AGBL5: variants seen among roughly 807,000 people sequenced by gnomAD.
AGBL5 encodes the protein AGBL carboxypeptidase 5, also known as cytosolic carboxypeptidase-like protein 5.
AGBL5 carries 51 observed loss-of-function variants against 88.0 expected under a neutral mutation model. The observed-to-expected ratio is 0.58, with a 90% confidence interval of 0.46 to 0.73. The LOEUF (loss-of-function observed/expected upper bound fraction) is 0.73. Ranked by LOEUF, AGBL5 falls within the 30% of genes least tolerant of loss-of-function variation. The pLI, the probability that AGBL5 is intolerant of heterozygous loss-of-function variation, is 0.00. For synonymous variants in AGBL5, 446 were observed against 438.8 expected (o/e 1.02, Z -0.21); for missense variants, 1,031 against 1,162.2 (o/e 0.89, Z 1.64).
At position 27,070,115 on chromosome 2, in the gene AGBL5, G is replaced by A. The variant is rs372775026; in HGVS notation, c.2513G>A (p.Arg838Gln). 2.3e-5 allele frequency: 37 copies of A among 1,613,418 alleles called. No individual in the cohort carries two copies. Among genetic ancestry groups the A allele is most frequent in the East Asian group, 1.1e-4 (5 of 44,886 alleles). The change falls in exon 15 of 15, where the codon CGG becomes CAG. Residue 838 changes from arginine (R) to glutamine (Q), a missense_variant. Physicochemically the swap from Arg to Gln is conservative, Grantham distance 43 (BLOSUM62 1). This residue lies in a region of AGBL5 where 491 missense variants were observed against 484.0 expected (regional missense o/e 1.01). Coordinates refer to ENST00000360131, the MANE Select transcript of AGBL5 (RefSeq NM_021831.6). ...TPGLPQARPP[R>Q]PRSAPAFSPI... is the part of the protein sequence containing the mutation. ...AGGCTGCCTCAGGCCAGGCCCCCACGGCCCCGCTCTGCCCCTGCCTTTTCT... is the reference window on the plus strand; with the variant it reads ...AGGCTGCCTCAGGCCAGGCCCCCACAGCCCCGCTCTGCCCCTGCCTTTTCT...
chr2:27,065,051 A>G (rs1668921031), intron 11 of AGBL5, among the ~76,000 whole-genome samples: 1 of 151,774 alleles, frequency 6.6e-6, no homozygotes, highest in African/African-American at 2.4e-5. Flanking sequence ...ACCGTGCCTG[A>G]CCTGGTTTGG....
At chr2:27,051,340 C>A (rs1251948753), upstream of AGBL5, 1 of 152,238 alleles carries the variant, frequency 6.6e-6, no homozygotes, top group African/African-American at 2.4e-5. Flanking sequence ...GGATTCCCGG[C>A]GCAGTGGGCT....
At position 27,058,552 on chromosome 2, in the gene AGBL5, T is replaced by C. The variant is rs1407631638; in HGVS notation, c.1824T>C (p.Asn608=). 6.2e-7 allele frequency: 1 copy of C among 1,614,054 alleles called. No homozygotes were observed. The highest frequency in any genetic ancestry group is 1.3e-5 in the African/African-American group (1 of 74,928). The change falls in exon 10 of 15, where the codon AAT becomes AAC. Residue 608 remains asparagine, a synonymous_variant. Transcript: ENST00000360131. ...GCCGAGGCCTAAGCAGCACTCTGAA[T>C]GTGGGTGTCAACAAGAAGAGGGGCC... ...RNSRGLSSTL[N]VGVNKKRGLR... is the part of the protein sequence containing the mutation.
chr2:27,055,494 C>T (rs1246312043), intron 6 of AGBL5, 188 bp from the exon 7 acceptor site: 2 of 803,706 alleles, frequency 2.5e-6, no homozygotes, highest in African/African-American at 3.5e-5. Context: ...GAGGAAGCTC[C>T]TTAGGGTTCT....
At chr2:27,068,856 G>GGCCAA in intron 13 of AGBL5, 112 bp downstream of exon 13, 1 of 1,520,252 alleles carries the variant, frequency 6.6e-7, no homozygotes, top group South Asian at 1.2e-5. Context: ...ATCTACCCTT[G>GGCCAA]GCCACATCAG....
chr2:27,060,890 C>T (rs1264147866), intron 11 of AGBL5: 1 of 152,192 alleles, frequency 6.6e-6, no homozygotes, highest in Non-Finnish European at 1.5e-5. Context: ...TCATTTAATC[C>T]TCACAAAGAC....
At chr2:27,059,543 C>A (rs528257590) in intron 11 of AGBL5, 139 bp downstream of exon 11, 20 of 1,520,290 alleles carry the variant, frequency 1.3e-5, no homozygotes, top group Non-Finnish European at 1.7e-5. Flanking sequence ...GAACCTGTGG[C>A]CTCTCCTACG....
At chr2:27,068,866 G>C (rs2148306704) in intron 13 of AGBL5, 122 bp downstream of exon 13, 1 of 1,510,072 alleles carries the variant, frequency 6.6e-7, no homozygotes, top group African/African-American at 1.4e-5. Context: ...GGCCACATCA[G>C]AGAGCTTCTC....
In AGBL5 at chr2:27,070,510, G is replaced by T. The variant is rs928957075; in HGVS notation, c.*247G>T. On this transcript the variant is annotated 3_prime_UTR_variant, in exon 15 of 15. Coordinates refer to ENST00000360131, the MANE Select transcript of AGBL5 (RefSeq NM_021831.6). The stretch of plus-strand genomic sequence containing the variant: ...AAAAAAAGTCTATATTTTTATATTG[G>T]GGGGAGGGAGTAGAAAAGCAAGCCC... The T allele has an allele frequency of 4.1e-6, 2 of 483,876 alleles. No individual in the cohort carries two copies. Among genetic ancestry groups the T allele is most frequent in the Admixed American group, 3.4e-5 (1 of 29,792 alleles). 30.0% of individuals were successfully genotyped at this position (483,876 alleles called of 1,614,324 possible).
chr2:27,057,536 T>C lies in AGBL5; in HGVS notation c.1671+98T>C, dbSNP rs111982500. ...GACTCTAAGGTCCTTTGAAGAGATA[T>C]TCATCACTATGGCCGTCTCACCACT... On this transcript the variant is annotated intron_variant, in intron 9 of 14. Transcript: ENST00000360131. The C allele has an allele frequency of 3.0e-5, 41 of 1,357,058 alleles. 1 individual carries two copies. Among genetic ancestry groups the C allele is most frequent in the Middle Eastern group, 4.0e-4 (2 of 5,056 alleles). The allele number at this position is 1,357,058 out of a possible 1,614,324, so 84.1% of individuals were successfully genotyped here.
chr2:27,050,819 T>G (rs370658042), upstream of AGBL5, among the ~76,000 whole-genome samples: 2 of 152,200 alleles, frequency 1.3e-5, no homozygotes, highest in African/African-American at 4.8e-5. Flanking sequence ...AGGACTGTAG[T>G]GGATAGGGCG....
chr2:27,067,735 C>CA (rs1308785850), intron 12 of AGBL5, 89 bp downstream of exon 12: 1 of 1,440,590 alleles, frequency 6.9e-7, no homozygotes, highest in South Asian at 1.1e-5. Context: ...AGACCAGGGG[C>CA]ATCACTTATC....
At chr2:27,054,902 A>C in intron 5 of AGBL5, 95 bp downstream of exon 5, 1 of 1,521,364 alleles carries the variant, frequency 6.6e-7, no homozygotes, top group Non-Finnish European at 8.9e-7. Context: ...GGCATCTTGG[A>C]CATGGCCTCC....
chr2:27,070,353 T>C lies in AGBL5; in HGVS notation c.*90T>C. The C allele has an allele frequency of 7.3e-7, 1 of 1,374,924 alleles. No homozygotes were observed. The highest frequency in any genetic ancestry group is 2.3e-5 in the East Asian group (1 of 43,252). The allele number at this position is 1,374,924 out of a possible 1,614,324, so 85.2% of individuals were successfully genotyped here. A position where few individuals can be genotyped will look rare whatever the true frequency, so the allele number is the denominator to read the frequency against. Reference sequence around the variant, plus strand: ...GTTCCCCTCCAGGCCGCTGATTCCATGTGACAGCCGTTAAGTCCTTGGAAT... The same window carrying C: ...GTTCCCCTCCAGGCCGCTGATTCCACGTGACAGCCGTTAAGTCCTTGGAAT... On this transcript the variant is annotated 3_prime_UTR_variant, in exon 15 of 15. Transcript: ENST00000360131.
At chr2:27,069,134 A>G in intron 13 of AGBL5, 2 of 1,337,990 alleles carry the variant, frequency 1.5e-6, no homozygotes, top group African/African-American at 1.5e-5. Flanking sequence ...CAGCCCTGCC[A>G]CCAACTCCGA....
In AGBL5 at chr2:27,055,165, G is replaced by C. The variant is rs1392347057; in HGVS notation, c.820G>C (p.Asp274His). Residue 274 changes from aspartate to histidine, a missense_variant, in exon 6 of 15, where the codon GAT (aspartate) becomes CAT (histidine). This residue lies in a region of AGBL5 where 540 missense variants were observed against 678.2 expected (regional missense o/e 0.80). Transcript: ENST00000360131. ...TCTGGACTTCATCCTCCGACCTGAT[G>C]ATCCCCGGGCCCAAACCCTCCGTCG... ...GFLDFILRPD[D>H]PRAQTLRRLF... The C allele has an allele frequency of 2.5e-6, 4 of 1,614,204 alleles. No individual in the cohort carries two copies.
intron 8 of AGBL5, 45 bp from the exon 9 acceptor site, chr2:27,057,258 G>C: frequency 6.3e-7 from 1 of 1,576,882 alleles, no homozygotes; most frequent in Non-Finnish European, 8.6e-7. Context: ...GTTCTGTCCT[G>C]GTATCTGTTC....
At chr2:27,068,610 A>G in intron 12 of AGBL5, 22 bp from the exon 13 acceptor site, 1 of 1,611,178 alleles carries the variant, frequency 6.2e-7, no homozygotes, top group South Asian at 1.1e-5. Context: ...CCCTACCCTG[A>G]TCAGTTTCCT....
At chr2:27,056,457 AC>A in intron 7 of AGBL5, 165 bp from the exon 8 acceptor site, 1 of 692,256 alleles carries the variant, frequency 1.4e-6, no homozygotes, top group Non-Finnish European at 2.3e-6. Context: ...GCTTCCCAAC[AC>A]CTAGAAGTAA....
Sources: gnomAD v4.1 joint callset for allele counts (sites outside exome capture counted in the v4.1 genomes callset) on GRCh38, gnomAD v4.1.1 for gene constraint, gnomAD v4.1.1 regional missense constraint, MANE v1.5 for transcripts, NCBI Gene and HGNC (gene_info 2026-07-23, HGNC 2026-07-21) for gene names.